The following ACOXL variants were observed in gnomAD, a reference collection of about 807,000 sequenced individuals.
The protein encoded by ACOXL is acyl-coenzyme A oxidase-like protein.
In ACOXL, 70 loss-of-function variants were observed where a neutral mutation model predicts 71.9. The ratio of observed to expected loss-of-function variants is 0.97; its 90% CI spans 0.80 to 1.19. The LOEUF is 1.19. Ranked by LOEUF, ACOXL falls within the 50% of genes most tolerant of loss-of-function variation. ACOXL has a pLI of 0.00. For synonymous variants in ACOXL, 253 were observed against 281.6 expected (o/e 0.90, Z 1.02); for missense variants, 703 against 736.3 (o/e 0.95, Z 0.52).
intron 17 of ACOXL, among the ~76,000 whole-genome samples, chr2:111,105,214 T>A (rs2069451760): frequency 6.6e-6 from 1 of 152,286 alleles, no homozygotes; most frequent in Admixed American, 6.5e-5. Flanking sequence ...CCTTCACCAA[T>A]ACCACATGGT....
intron 16 of ACOXL, among the ~76,000 whole-genome samples, chr2:111,066,654 C>T (rs1261352137): frequency 1.3e-5 from 2 of 152,042 alleles, no homozygotes; most frequent in African/African-American, 2.4e-5. Context: ...TAAAAATGCA[C>T]TGAAAACAAA....
intron 9 of ACOXL, among the ~76,000 whole-genome samples, chr2:110,830,500 T>C (rs1559317285): frequency 6.6e-6 from 1 of 152,100 alleles, no homozygotes; most frequent in Non-Finnish European, 1.5e-5. Context: ...TCTATATTCC[T>C]GGTAGAAGGC....
chr2:110,738,526 A>G (rs1387851422), intron 1 of ACOXL, among the ~76,000 whole-genome samples: 2 of 152,210 alleles, frequency 1.3e-5, no homozygotes, highest in Admixed American at 1.3e-4. Context: ...TTAAAGGTGC[A>G]TGCCATAACT....
intron 12 of ACOXL, among the ~76,000 whole-genome samples, chr2:110,962,871 G>A (rs1338070675): frequency 2.0e-5 from 3 of 152,232 alleles, no homozygotes; most frequent in Non-Finnish European, 4.4e-5. Context: ...TTGGACGGGG[G>A]AGCAATTCTG....
intron 10 of ACOXL, among the ~76,000 whole-genome samples, chr2:110,846,641 G>GCGCGCGCACACA (rs148602789): frequency 5.1e-5 from 7 of 138,034 alleles, no homozygotes; most frequent in African/African-American, 1.9e-4. Flanking sequence ...ATGCATACAC[G>GCGCGCGCACACA]CACACACACA....
intron 13 of ACOXL, among the ~76,000 whole-genome samples, chr2:110,990,277 A>G (rs1171872615): frequency 3.9e-5 from 6 of 152,116 alleles, no homozygotes; most frequent in Admixed American, 3.9e-4. Flanking sequence ...TCATAGATTT[A>G]TTACTGGTTA....
intron 12 of ACOXL, among the ~76,000 whole-genome samples, chr2:110,982,537 A>T (rs77974882): frequency 6.6e-5 from 10 of 152,250 alleles, no homozygotes; most frequent in Admixed American, 6.5e-4. Context: ...TCCAGCATCT[A>T]AAAGAGGTAA....
chr2:110,751,256 G>T (rs1408677353), intron 1 of ACOXL, among the ~76,000 whole-genome samples: 1 of 147,324 alleles, frequency 6.8e-6, no homozygotes, highest in African/African-American at 2.5e-5. Flanking sequence ...AGCCGAGATC[G>T]TGCCACTGCA....
At chr2:110,956,028 T>C (rs2061488926) in intron 12 of ACOXL, among the ~76,000 whole-genome samples, 1 of 145,214 alleles carries the variant, frequency 6.9e-6, no homozygotes, top group Admixed American at 7.4e-5. Context: ...TATCTCTGCC[T>C]CCCAGGTTCA....
At chr2:110,980,128 C>A (rs2062638225) in intron 12 of ACOXL, among the ~76,000 whole-genome samples, 1 of 152,206 alleles carries the variant, frequency 6.6e-6, no homozygotes, top group Non-Finnish European at 1.5e-5. Context: ...CTGTGAAATC[C>A]TGGGCTTAGC....
At chr2:110,772,734 G>GT (rs774758397) in intron 2 of ACOXL, among the ~76,000 whole-genome samples, 27 of 152,198 alleles carry the variant, frequency 1.8e-4, no homozygotes, top group Non-Finnish European at 3.4e-4. Context: ...GGTTCTCAAA[G>GT]TAAGGCCCGA....
chr2:110,804,374 G>T (rs901268863), intron 8 of ACOXL, among the ~76,000 whole-genome samples: 1 of 152,154 alleles, frequency 6.6e-6, no homozygotes, highest in Non-Finnish European at 1.5e-5. Flanking sequence ...TGCTGGTGGG[G>T]CTGCAAAATG....
At chr2:110,863,663 A>G (rs932076) in intron 10 of ACOXL, among the ~76,000 whole-genome samples, 50,863 of 151,938 alleles carry the variant, frequency 0.33, 8,640 homozygotes, top group Middle Eastern at 0.4. Flanking sequence ...TGGGTGGGAC[A>G]CATTCCATTC....
intron 10 of ACOXL, chr2:110,886,714 T>C: frequency 6.5e-7 from 1 of 1,545,618 alleles, no homozygotes; most frequent in Non-Finnish European, 8.8e-7. Context: ...TTTCACCCTT[T>C]GACTGGAGTT....
intron 9 of ACOXL, among the ~76,000 whole-genome samples, chr2:110,837,451 T>TAA (rs143556400): frequency 6.6e-6 from 1 of 152,108 alleles, no homozygotes; most frequent in East Asian, 1.9e-4. Context: ...ATAATGTGTT[T>TAA]AAAAAATGTG....
rs1175238765 is a variant in ACOXL, at chr2:110,915,423, TATA to T, written c.905+6519_905+6521del. ...GTGTATATACATATATATATATATA[TATA>T]TATTTTTTTTTTTTTGAGATGGAGT... On this transcript the variant is annotated intron_variant, in intron 11 of 17. Coordinates refer to ENST00000439055, the MANE Select transcript of ACOXL (RefSeq NM_001142807.4). 7.2e-3 allele frequency among the ~76,000 whole-genome samples: 916 copies of T among 126,564 alleles called. 23 individuals are homozygous for T. Among genetic ancestry groups the T allele is most frequent in the African/African-American group, 0.026 (762 of 29,454 alleles). 83.0% of individuals were successfully genotyped at this position (126,564 alleles called of 152,430 possible).
chr2:110,777,790 G>A (rs916436399), intron 2 of ACOXL, among the ~76,000 whole-genome samples: 1 of 152,208 alleles, frequency 6.6e-6, no homozygotes, highest in African/African-American at 2.4e-5. Flanking sequence ...GACCTCCTGT[G>A]TGTATGTGGG....
chr2:110,952,468 T>C (rs13003263), intron 12 of ACOXL, among the ~76,000 whole-genome samples: 76,889 of 152,004 alleles, frequency 0.51, 19,640 homozygotes, highest in Middle Eastern at 0.57. Context: ...TCTTTATTAC[T>C]TCTTTTCTTC....
At chr2:110,886,777 CT>C in intron 10 of ACOXL, 2 of 1,550,960 alleles carry the variant, frequency 1.3e-6, no homozygotes, top group Non-Finnish European at 1.7e-6. Flanking sequence ...GTCCCTTTTT[CT>C]AGGTCCAGAA....
Sources: gnomAD v4.1 joint callset for allele counts (sites outside exome capture counted in the v4.1 genomes callset) on GRCh38, gnomAD v4.1.1 for gene constraint, MANE v1.5 for transcripts, NCBI Gene and HGNC (gene_info 2026-07-23, HGNC 2026-07-21) for gene names.